Variants in MROH2A observed in about 807,000 individuals in gnomAD.
MROH2A encodes maestro heat like repeat family member 2A.
In MROH2A, 174 loss-of-function variants were observed where a neutral mutation model predicts 200.4. That is an observed-to-expected ratio of 0.87 (90% CI 0.77 to 0.98). The LOEUF is 0.98. Ranked by LOEUF, MROH2A falls within the 50% of genes least tolerant of loss-of-function variation. MROH2A has a pLI of 0.00. For missense variants in MROH2A, 2,045 were observed against 2,139.6 expected (o/e 0.96, Z 0.87); for synonymous variants, 829 against 840.4 (o/e 0.99, Z 0.23).
At chr2:233,812,645 C>A (rs979282469) in intron 24 of MROH2A, among the ~76,000 whole-genome samples, 1 of 152,074 alleles carries the variant, frequency 6.6e-6, no homozygotes, top group Non-Finnish European at 1.5e-5. Flanking sequence ...CTAGTCCCAG[C>A]CTTTTAAGGA....
intron 35 of MROH2A, among the ~76,000 whole-genome samples, chr2:233,826,376 A>G (rs1398952819): frequency 2.0e-5 from 3 of 152,224 alleles, no homozygotes; most frequent in Non-Finnish European, 4.4e-5. Context: ...AAACAGATAC[A>G]CAGACCAATG....
chr2:233,790,138 C>A lies in MROH2A; in HGVS notation c.571+124C>A, dbSNP rs1013075397. On this transcript the variant is annotated intron_variant, in intron 5 of 41. Transcript: ENST00000389758. ...ACCTTTCATTTCTCTCTTTTTCCCT[C>A]TAAAATTGATTCATTTTGTGTCTGC... The A allele has an allele frequency of 2.3e-5, 23 of 984,934 alleles. No individual in the cohort carries two copies. In the African/African-American group the frequency reaches 2.8e-4, roughly 12 times the overall value. The allele number at this position is 984,934 out of a possible 1,614,324, so 61.0% of individuals were successfully genotyped here.
rs1340041767 is a variant in MROH2A at position 233,820,007 on chromosome 2, CAGG to C, written c.3466_3468del (p.Glu1156del). The C allele has an allele frequency of 6.5e-7, 1 of 1,545,962 alleles. No homozygotes were observed. Among genetic ancestry groups the C allele is most frequent in the Non-Finnish European group, 8.7e-7 (1 of 1,143,684 alleles). ...CATCCTGCTGCTGGCGCACCACCAC[CAGG>C]AGACCATCCTCACATCGCTCCTGAG... On this transcript the variant is annotated inframe_deletion, in exon 31 of 42. Transcript: ENST00000389758. The surrounding 1 kb of genome is among the most constrained non-coding windows in gnomAD (Gnocchi z 4.1).
intron 22 of MROH2A, 45 bp downstream of exon 22, chr2:233,809,323 G>A (rs1703004653): frequency 6.5e-7 from 1 of 1,535,444 alleles, no homozygotes; most frequent in Admixed American, 2.0e-5. Flanking sequence ...GGACCAGGCT[G>A]GTGGGTAGTA....
intron 3 of MROH2A, among the ~76,000 whole-genome samples, chr2:233,781,219 T>C (rs1267193797): frequency 6.6e-6 from 1 of 152,218 alleles, no homozygotes; most frequent in Non-Finnish European, 1.5e-5. Flanking sequence ...ATCTCTTAGA[T>C]ATATTGACTT....
chr2:233,807,938 C>A lies in MROH2A; in HGVS notation c.2295+83C>A. 1 of 1,522,152 alleles carries A rather than the reference C, an allele frequency of 6.6e-7. No homozygotes were observed. Among genetic ancestry groups the A allele is most frequent in the Non-Finnish European group, 8.9e-7 (1 of 1,124,346 alleles). 94.3% of individuals were successfully genotyped at this position (1,522,152 alleles called of 1,614,324 possible). On this transcript the variant is annotated intron_variant, in intron 21 of 41. Coordinates refer to ENST00000389758, the MANE Select transcript of MROH2A (RefSeq NM_001394639.1). This position sits in a 1 kb window ranked among gnomAD's most constrained non-coding sequence, Gnocchi z 4.3. Reference sequence around the variant, plus strand: ...CACTGACACAAAGTCCTTTCTAGATCTCAGTAGGAAACTTGCCTCACACGG... The same window carrying A: ...CACTGACACAAAGTCCTTTCTAGATATCAGTAGGAAACTTGCCTCACACGG...
chr2:233,831,901 C>G (rs973436437), intron 39 of MROH2A, among the ~76,000 whole-genome samples: 2 of 152,148 alleles, frequency 1.3e-5, no homozygotes, highest in African/African-American at 4.8e-5. Flanking sequence ...GGCACTTTAC[C>G]TTAATTCAGA....
At position 233,793,822 on chromosome 2, in the gene MROH2A, G is replaced by A. The variant is rs568668362; in HGVS notation, c.820G>A (p.Glu274Lys). The change falls in exon 7 of 42, where the codon GAG becomes AAG. Residue 274 changes from glutamate (E) to lysine (K), a missense_variant and splice_region_variant. Glu to Lys is a moderately conservative substitution (Grantham distance 56, BLOSUM62 1). This residue lies in a region of MROH2A where 831 missense variants were observed against 800.0 expected (regional missense o/e 1.04). Coordinates refer to ENST00000389758, the MANE Select transcript of MROH2A (RefSeq NM_001394639.1). Reference sequence around the variant, plus strand: ...AGTGTGGCTGAGGCACTACAACCCCGAGGTGAGATGCACCCCTCTTAGGAG... The same window carrying A: ...AGTGTGGCTGAGGCACTACAACCCCAAGGTGAGATGCACCCCTCTTAGGAG... Reference protein sequence around the residue: ...VTVWLRHYNPEVKLGVIKSLK... With the variant: ...VTVWLRHYNPKVKLGVIKSLK... The A allele has an allele frequency of 2.1e-5, 30 of 1,412,792 alleles. No homozygotes were observed. In the African/African-American group the frequency reaches 2.4e-4, roughly 11 times the overall value. 87.5% of individuals were successfully genotyped at this position (1,412,792 alleles called of 1,614,324 possible). A position where few individuals can be genotyped will look rare whatever the true frequency, so the allele number is the denominator to read the frequency against.
intron 38 of MROH2A, among the ~76,000 whole-genome samples, chr2:233,830,721 G>A (rs1347068027): frequency 1.3e-5 from 2 of 152,086 alleles, no homozygotes; most frequent in Middle Eastern, 3.2e-3. Flanking sequence ...CCTAGACCTG[G>A]GCTTTGCACT....
At position 233,833,302 on chromosome 2, in the gene MROH2A, T is replaced by G. The variant is rs961259848; in HGVS notation, c.*43T>G. The G allele has an allele frequency of 2.0e-6, 3 of 1,464,838 alleles. No homozygotes were observed. The African/African-American group carries it at 4.3e-5, about 21-fold the overall frequency. 90.7% of individuals were successfully genotyped at this position (1,464,838 alleles called of 1,614,324 possible). ...CGTAAACTGTCTTCTTAGTGCCAAATGCAAGCCCTTTTTAATTTAGTTTGT... is the reference window on the plus strand; with the variant it reads ...CGTAAACTGTCTTCTTAGTGCCAAAGGCAAGCCCTTTTTAATTTAGTTTGT... On this transcript the variant is annotated 3_prime_UTR_variant, in exon 42 of 42. Transcript: ENST00000389758.
rs1488411333 is a variant in MROH2A, at chr2:233,803,506, A to ACCATGCCCTGGCCTGGCAAGG, written c.1749+29_1749+49dup. 1.3e-6 allele frequency: 2 copies of ACCATGCCCTGGCCTGGCAAGG among 1,550,188 alleles called. No individual in the cohort carries two copies. Among genetic ancestry groups the ACCATGCCCTGGCCTGGCAAGG allele is most frequent in the Non-Finnish European group, 8.7e-7 (1 of 1,146,936 alleles). ...GTCTCCTGGTGAGTGGCTGACCTGC[A>ACCATGCCCTGGCCTGGCAAGG]CCATGCCCTGGCCTGGCAAGGCCAT... On this transcript the variant is annotated intron_variant, in intron 16 of 41. Transcript: ENST00000389758.
At position 233,822,554 on chromosome 2, in the gene MROH2A, A is replaced by T; in HGVS notation, c.3864A>T (p.Gln1288His). ...CTCTGCCGGAGGAGATGAACCTGCA[A>T]AGGTGCTCTCGAGGGCGGTGGGTGC... ...TTPLPEEMNL[Q>H]RVTIKSMQLL... Residue 1288 changes from glutamine (Q) to histidine (H), a missense_variant and splice_region_variant, in exon 33 of 42, where the codon CAA becomes CAT. Coordinates refer to ENST00000389758, the MANE Select transcript of MROH2A (RefSeq NM_001394639.1). The T allele has an allele frequency of 6.5e-7, 1 of 1,549,074 alleles. No individual in the cohort carries two copies. The highest frequency in any genetic ancestry group is 8.7e-7 in the Non-Finnish European group (1 of 1,146,892).
intron 6 of MROH2A, among the ~76,000 whole-genome samples, chr2:233,793,162 A>C (rs961683422): frequency 6.6e-6 from 1 of 152,180 alleles, no homozygotes; most frequent in African/African-American, 2.4e-5. Context: ...CTTTGTAATT[A>C]AGCACTTCAG....
chr2:233,818,139 G>A lies in MROH2A; in HGVS notation c.3085+14G>A. 6.5e-7 allele frequency: 1 copy of A among 1,549,710 alleles called. No homozygotes were observed. The highest frequency in any genetic ancestry group is 1.2e-5 in the South Asian group (1 of 84,050). ...TAGATCTTCACGGTATGAGAGGGCA[G>A]GACATGAGGACCAGCTCCTCTGGGA... On this transcript the variant is annotated intron_variant, in intron 28 of 41. Coordinates refer to ENST00000389758, the MANE Select transcript of MROH2A (RefSeq NM_001394639.1).
chr2:233,803,617 C>T (rs942494665), intron 16 of MROH2A, 129 bp downstream of exon 16: 2 of 931,354 alleles, frequency 2.1e-6, no homozygotes, highest in Non-Finnish European at 3.2e-6. Context: ...GAGTTTGATG[C>T]TTGGCAGGAC....
intron 5 of MROH2A, 62 bp from the exon 6 acceptor site, chr2:233,792,734 C>G: frequency 9.3e-7 from 1 of 1,077,344 alleles, no homozygotes; most frequent in South Asian, 1.4e-5. Flanking sequence ...GTTGTCCTCT[C>G]TGCCTTCTCT....
upstream of MROH2A, among the ~76,000 whole-genome samples, chr2:233,777,631 G>A (rs1401280938): frequency 6.6e-6 from 1 of 152,210 alleles, no homozygotes; most frequent in African/African-American, 2.4e-5. Context: ...TCGTATTGGA[G>A]GTGTCCAAGC....
At chr2:233,787,673 TTA>T (rs1368859875) in intron 3 of MROH2A, among the ~76,000 whole-genome samples, 1 of 74,980 alleles carries the variant, frequency 1.3e-5, no homozygotes, top group African/African-American at 6.1e-5. Context: ...ATTATATATA[TTA>T]TATATACATA....
intron 5 of MROH2A, among the ~76,000 whole-genome samples, chr2:233,792,441 T>G (rs1701834317): frequency 1.3e-5 from 2 of 151,524 alleles, no homozygotes; most frequent in South Asian, 4.2e-4. Context: ...GCCTCCCGAG[T>G]GGTTGAGACT....
Sources: allele counts gnomAD v4.1 joint callset (sites outside exome capture counted in the v4.1 genomes callset), GRCh38; gene constraint gnomAD v4.1.1; regional missense constraint gnomAD v4.1.1; non-coding constraint Gnocchi (gnomAD v3.1); transcripts MANE v1.5; gene names NCBI Gene and HGNC (gene_info 2026-07-23, HGNC 2026-07-21).